UGT1A10: variants seen among roughly 807,000 people sequenced by gnomAD.
UGT1A10 encodes the protein UDP glucuronosyltransferase family 1 member A10, also known as UDP-glucuronosyltransferase 1A10.
UGT1A10 carries 49 observed loss-of-function variants against 45.8 expected under a neutral mutation model. That is an observed-to-expected ratio of 1.07 (90% CI 0.85 to 1.36). The LOEUF is 1.36. UGT1A10 is among the 40% of genes most tolerant of loss of function. The probability of loss-of-function intolerance (pLI) is 0.00; values close to 1 mark genes in which losing one functional copy is unlikely to be tolerated. For missense variants in UGT1A10, 745 were observed against 668.6 expected, an observed-to-expected ratio of 1.11 and a Z score of -1.26; for synonymous variants, 284 against 249.7, an observed-to-expected ratio of 1.14 and a Z score of -1.29.
intron 1 of UGT1A10, among the ~76,000 whole-genome samples, chr2:233,638,134 G>A (rs1575392264): frequency 6.6e-6 from 1 of 152,096 alleles, no homozygotes; most frequent in Non-Finnish European, 1.5e-5. Flanking sequence ...GAGAAGACTG[G>A]CATCTTTTTG....
At chr2:233,752,001 G>A (rs960464465) in intron 1 of UGT1A10, among the ~76,000 whole-genome samples, 26 of 152,178 alleles carry the variant, frequency 1.7e-4, no homozygotes, top group Admixed American at 1.3e-3. Flanking sequence ...TGAGAAAGTT[G>A]ATGAGAAAGT....
intron 1 of UGT1A10, among the ~76,000 whole-genome samples, chr2:233,662,324 G>A (rs2073989843): frequency 6.6e-6 from 1 of 152,018 alleles, no homozygotes; most frequent in Non-Finnish European, 1.5e-5. Context: ...CACTATTGTA[G>A]GCTATGTGGC....
chr2:233,695,461 T>C (rs558801774), intron 1 of UGT1A10, among the ~76,000 whole-genome samples: 16 of 152,020 alleles, frequency 1.1e-4, no homozygotes, highest in African/African-American at 3.4e-4. Flanking sequence ...ACGTGCTTTA[T>C]TGGCCCTTTA....
At chr2:233,726,238 A>G (rs935075477) in intron 1 of UGT1A10, among the ~76,000 whole-genome samples, 11 of 152,220 alleles carry the variant, frequency 7.2e-5, no homozygotes, top group East Asian at 3.8e-4. Context: ...TAAAACTCCA[A>G]TATGAAAAGC....
At chr2:233,690,901 A>G (rs2075020381) in intron 1 of UGT1A10, 2 of 1,032,262 alleles carry the variant, frequency 1.9e-6, no homozygotes, top group Non-Finnish European at 2.3e-6. Context: ...TGGTATGCAT[A>G]GTGATGTTAG....
intron 1 of UGT1A10, among the ~76,000 whole-genome samples, chr2:233,678,924 T>G (rs554683514): frequency 1.5e-4 from 23 of 152,322 alleles, no homozygotes; most frequent in Middle Eastern, 3.4e-3. Flanking sequence ...ATGTGCAACA[T>G]CTGGTCACAG....
chr2:233,719,618 C>A (rs779960656), intron 1 of UGT1A10: 2 of 1,614,058 alleles, frequency 1.2e-6, no homozygotes. Flanking sequence ...TGGACTACCC[C>A]AGGCCGATCA....
chr2:233,677,593 T>C (rs28970016), intron 1 of UGT1A10, among the ~76,000 whole-genome samples: 1,930 of 152,220 alleles, frequency 0.013, 41 homozygotes, highest in African/African-American at 0.044. Flanking sequence ...ACATCACTAG[T>C]TACCAGAAAA....
Position 233,772,248 on chromosome 2 carries a change from G to A in UGT1A10, c.1296-14G>A. ...CAGGTGTTCCAGGCATAACGAAACT[G>A]TCTTTGTGTTTAGTTACAAGGAGAA... is the stretch of plus-strand genomic sequence containing the variant. On this transcript the variant is annotated splice_polypyrimidine_tract_variant and intron_variant, in intron 4 of 4. Transcript: ENST00000344644. 6.2e-7 allele frequency: 1 copy of A among 1,614,220 alleles called. No individual in the cohort carries two copies. The highest frequency in any genetic ancestry group is 1.7e-5 in the Admixed American group (1 of 60,030).
At chr2:233,726,985 G>C (rs1185524522) in intron 1 of UGT1A10, among the ~76,000 whole-genome samples, 1 of 152,130 alleles carries the variant, frequency 6.6e-6, no homozygotes, top group African/African-American at 2.4e-5. Flanking sequence ...TTTTGATGAG[G>C]TTCTTTCTAG....
intron 1 of UGT1A10, among the ~76,000 whole-genome samples, chr2:233,642,753 G>A (rs1182286590): frequency 1.3e-5 from 2 of 152,216 alleles, no homozygotes; most frequent in Non-Finnish European, 2.9e-5. Context: ...TAACGCTGTG[G>A]TTCTTGCAGA....
intron 1 of UGT1A10, among the ~76,000 whole-genome samples, chr2:233,683,181 A>C (rs527983544): frequency 9.9e-5 from 15 of 152,270 alleles, no homozygotes; most frequent in African/African-American, 3.6e-4. Flanking sequence ...ATGTATATGC[A>C]TATATTTAGG....
intron 1 of UGT1A10, among the ~76,000 whole-genome samples, chr2:233,662,147 A>T (rs1370774779): frequency 6.6e-6 from 1 of 152,192 alleles, no homozygotes; most frequent in East Asian, 1.9e-4. Context: ...TCTTGACTAC[A>T]AATGGTGTCA....
chr2:233,710,781 C>T (rs964572704), intron 1 of UGT1A10, among the ~76,000 whole-genome samples: 1 of 152,148 alleles, frequency 6.6e-6, no homozygotes, highest in Non-Finnish European at 1.5e-5. Flanking sequence ...TTTTAGCAAA[C>T]GTTTTGTGTT....
At chr2:233,693,048 T>A in intron 1 of UGT1A10, 1 of 1,614,120 alleles carries the variant, frequency 6.2e-7, no homozygotes, top group South Asian at 1.1e-5. Context: ...TCTGCAGGGG[T>A]TTTCTTCTTA....
At chr2:233,721,905 C>A in intron 1 of UGT1A10, 1 of 450,072 alleles carries the variant, frequency 2.2e-6, no homozygotes, top group Non-Finnish European at 4.4e-6. Context: ...CGAAATGGTG[C>A]ACACTGCTTC....
chr2:233,733,096 G>A (rs2078355938), intron 1 of UGT1A10, among the ~76,000 whole-genome samples: 1 of 152,018 alleles, frequency 6.6e-6, no homozygotes, highest in Non-Finnish European at 1.5e-5. Flanking sequence ...TTCACTCATG[G>A]TTTGGCTCTG....
intron 1 of UGT1A10, among the ~76,000 whole-genome samples, chr2:233,639,015 C>T (rs2741033): frequency 3.3e-5 from 5 of 152,204 alleles, no homozygotes; most frequent in African/African-American, 7.2e-5. Flanking sequence ...CCACAGCCTT[C>T]GGCCGAGTTG....
chr2:233,709,781 G>T (rs2076092056), intron 1 of UGT1A10, among the ~76,000 whole-genome samples: 4 of 152,082 alleles, frequency 2.6e-5, no homozygotes, highest in Admixed American at 2.6e-4. Flanking sequence ...GCAATAAAGT[G>T]CACCGTTTTA....
Sources: allele counts gnomAD v4.1 joint callset (sites outside exome capture counted in the v4.1 genomes callset), GRCh38; gene constraint gnomAD v4.1.1; transcripts MANE v1.5; gene names NCBI Gene and HGNC (gene_info 2026-07-23, HGNC 2026-07-21).